The following AOPEP variants were observed in gnomAD, a reference collection of about 807,000 sequenced individuals.
AOPEP encodes aminopeptidase O (putative), also known as aminopeptidase O.
AOPEP carries 77 observed loss-of-function variants against 98.1 expected under a neutral mutation model. That is an observed-to-expected ratio of 0.78 (90% confidence interval 0.65 to 0.95). The LOEUF (loss-of-function observed/expected upper bound fraction) is 0.95, where lower values mean the gene tolerates loss of function less well. Ranked by LOEUF, AOPEP falls within the 40% of genes least tolerant of loss-of-function variation. The pLI is 0.00. For missense variants in AOPEP, 1,024 were observed against 1,024.7 expected (o/e 1.00, Z 0.01); for synonymous variants, 346 against 365.3 (o/e 0.95, Z 0.60).
chr9:95,073,599 G>A lies in AOPEP; in HGVS notation c.2233-7095G>A, dbSNP rs544651551. ...AGGCCGGGCGCGGTGGCTCACACCT[G>A]TAATGCCACCACTTTGGGAGGCTGA... On this transcript the variant is annotated intron_variant, in intron 14 of 16. Coordinates refer to ENST00000375315, the MANE Select transcript of AOPEP (RefSeq NM_001193329.3). 1.1e-4 allele frequency among the ~76,000 whole-genome samples: 16 copies of A among 152,322 alleles called. No homozygotes were observed. The East Asian group carries it at 3.1e-3, about 29-fold the overall frequency.
intron 7 of AOPEP, chr9:94,933,258 G>A (rs765397790): frequency 1.6e-5 from 16 of 985,454 alleles, no homozygotes; most frequent in Non-Finnish European, 1.9e-5. Context: ...CTGTCTCCAG[G>A]GTGCAGCTGG....
chr9:94,998,795 C>G (rs1447112451), intron 11 of AOPEP, among the ~76,000 whole-genome samples: 2 of 152,196 alleles, frequency 1.3e-5, no homozygotes, highest in African/African-American at 4.8e-5. Context: ...ATGTGAATAA[C>G]CTGTCCATAT....
chr9:95,129,175 A>G, the AOPEP span, among the ~76,000 whole-genome samples: 1 of 152,010 alleles, frequency 6.6e-6, no homozygotes, highest in Non-Finnish European at 1.5e-5. Flanking sequence ...TGCTACCCCT[A>G]CAGCTGTGAA....
At chr9:94,994,864 T>C (rs2061123608) in intron 11 of AOPEP, among the ~76,000 whole-genome samples, 1 of 152,146 alleles carries the variant, frequency 6.6e-6, no homozygotes, top group Admixed American at 6.5e-5. Flanking sequence ...GGCAAGAGAA[T>C]TGTTTGAACG....
At position 94,797,346 on chromosome 9, in the gene AOPEP, G is replaced by A. The variant is rs1174481929; in HGVS notation, c.1119-3411G>A. Among the ~76,000 whole-genome samples, 5 of 151,534 alleles carry A rather than the reference G, an allele frequency of 3.3e-5. No homozygotes were observed. In the East Asian group the frequency reaches 9.8e-4, roughly 30 times the overall value. On this transcript the variant is annotated intron_variant, in intron 4 of 16. Transcript: ENST00000375315. ...TACAGGAGGCTGGGGCAGGAGAATT[G>A]CTTGAACCAGGGAGTCGGAGGTTGC...
chr9:94,871,031 C>T (rs1426845184), intron 5 of AOPEP, among the ~76,000 whole-genome samples: 1 of 152,212 alleles, frequency 6.6e-6, no homozygotes, highest in African/African-American at 2.4e-5. Context: ...AGCCCTCCTC[C>T]TCCACTCTTC....
chr9:94,924,617 A>G (rs1388840111), intron 6 of AOPEP, among the ~76,000 whole-genome samples: 4 of 152,192 alleles, frequency 2.6e-5, no homozygotes, highest in Non-Finnish European at 4.4e-5. Flanking sequence ...AGATTAAAAC[A>G]TAAATCCAGA....
At chr9:95,138,837 T>G in the AOPEP span, among the ~76,000 whole-genome samples, 3 of 152,150 alleles carry the variant, frequency 2.0e-5, no homozygotes, top group African/African-American at 7.2e-5. Flanking sequence ...CGAGTCACAC[T>G]CCAGTCAGTA....
chr9:95,139,529 C>T, the AOPEP span, among the ~76,000 whole-genome samples: 3 of 152,014 alleles, frequency 2.0e-5, no homozygotes, highest in South Asian at 2.1e-4. Flanking sequence ...ACGGGGATGG[C>T]GGAACAGAGT....
intron 13 of AOPEP, among the ~76,000 whole-genome samples, chr9:95,043,537 T>C (rs1255790721): frequency 1.3e-5 from 2 of 152,210 alleles, no homozygotes; most frequent in Non-Finnish European, 2.9e-5. Context: ...GTTTGCTTTG[T>C]CTTGTGAAAT....
At chr9:95,102,399 C>T in the AOPEP span, among the ~76,000 whole-genome samples, 1 of 152,196 alleles carries the variant, frequency 6.6e-6, no homozygotes, top group Non-Finnish European at 1.5e-5. Context: ...AGCCTCAAGG[C>T]ATTCGTACTT....
intron 16 of AOPEP, chr9:95,083,041 C>T (rs1587966821): frequency 3.7e-6 from 1 of 267,474 alleles, no homozygotes; most frequent in East Asian, 1.0e-4. Context: ...GGGGGAACAT[C>T]TTGAGTAGGT....
At chr9:94,778,272 C>G (rs901253529) in intron 3 of AOPEP, among the ~76,000 whole-genome samples, 1 of 152,138 alleles carries the variant, frequency 6.6e-6, no homozygotes, top group African/African-American at 2.4e-5. Flanking sequence ...TTTACACGAT[C>G]TAGCAATTTT....
At chr9:94,913,222 C>T (rs1027165281) in intron 5 of AOPEP, among the ~76,000 whole-genome samples, 1 of 152,162 alleles carries the variant, frequency 6.6e-6, no homozygotes, top group Admixed American at 6.5e-5. Flanking sequence ...TGATGCATTC[C>T]ATTTGGGGAG....
chr9:94,983,989 G>A (rs113144833), intron 11 of AOPEP, among the ~76,000 whole-genome samples: 6,254 of 151,804 alleles, frequency 0.041, 435 homozygotes, highest in African/African-American at 0.14. Flanking sequence ...CTAGCTACAT[G>A]TGGTTGGTAA....
intron 5 of AOPEP, among the ~76,000 whole-genome samples, chr9:94,847,156 T>A (rs80316977): frequency 5.8e-4 from 18 of 30,808 alleles, no homozygotes; most frequent in Admixed American, 3.3e-3. Flanking sequence ...ACACACACTC[T>A]CTCTGTCTCT....
intron 5 of AOPEP, among the ~76,000 whole-genome samples, chr9:94,894,910 T>C (rs750107337): frequency 9.9e-5 from 15 of 152,198 alleles, no homozygotes; most frequent in Non-Finnish European, 1.9e-4. Flanking sequence ...GGAAAACTTA[T>C]ATTTATAGGT....
intron 5 of AOPEP, among the ~76,000 whole-genome samples, chr9:94,822,009 A>ACACACACACACACACG (rs1554726861): frequency 6.7e-6 from 1 of 149,884 alleles, no homozygotes; most frequent in South Asian, 2.1e-4. Flanking sequence ...ACACACACAC[A>ACACACACACACACACG]CACGCAGGCA....
At chr9:95,008,428 G>A (rs978438122) in intron 13 of AOPEP, among the ~76,000 whole-genome samples, 7 of 152,234 alleles carry the variant, frequency 4.6e-5, no homozygotes, top group African/African-American at 1.7e-4. Context: ...CTGACCACGG[G>A]CGCTGAGCAA....
Sources: allele counts gnomAD v4.1 joint callset (sites outside exome capture counted in the v4.1 genomes callset), GRCh38; gene constraint gnomAD v4.1.1; transcripts MANE v1.5; gene names NCBI Gene and HGNC (gene_info 2026-07-23, HGNC 2026-07-21).